Variants in ADARB2 observed in about 807,000 individuals in gnomAD.
ADARB2 encodes the protein adenosine deaminase RNA specific B2 (inactive), also known as inactive double-stranded RNA-specific editase B2.
ADARB2 carries 25 observed loss-of-function variants against 62.2 expected under a neutral mutation model. That is an observed-to-expected ratio of 0.40 (90% CI 0.29 to 0.56). ADARB2 has a LOEUF of 0.56. Among genes scored for constraint, ADARB2 ranks in the 20% least tolerant of loss-of-function variants. The pLI, the probability that ADARB2 is intolerant of heterozygous loss-of-function variation, is 0.43. For missense variants in ADARB2, 1,071 were observed against 1,077.4 expected, an observed-to-expected ratio of 0.99 and a Z score of 0.08; for synonymous variants, 572 against 500.8, an observed-to-expected ratio of 1.14 and a Z score of -1.90.
At position 1,471,849 on chromosome 10, in the gene ADARB2, C is replaced by A. The variant is rs570769906; in HGVS notation, c.101-92689G>T. 4.6e-5 allele frequency among the ~76,000 whole-genome samples: 7 copies of A among 152,360 alleles called. No homozygotes were observed. In the East Asian group the frequency reaches 1.3e-3, roughly 29 times the overall value. On this transcript the variant is annotated intron_variant, in intron 1 of 9. Coordinates refer to ENST00000381312, the MANE Select transcript of ADARB2 (RefSeq NM_018702.4). ...TTTATGGCCGTGTACACATGTTAGA[C>A]ATTGAATAACACAGGACCAAGGAGA...
At position 1,183,224 on chromosome 10, in the gene ADARB2, G is replaced by A. The variant is rs376184563; in HGVS notation, c.2189C>T (p.Pro730Leu). 1.2e-5 allele frequency: 19 copies of A among 1,613,526 alleles called. No homozygotes were observed. The highest frequency in any genetic ancestry group is 3.3e-5 in the Admixed American group (2 of 59,998). The part of the protein sequence containing the change: ...AGLGTWVRKP[P>L]EQQQFLLTL ...AGTCAGTAGAAACTGCTGCTGCTCC[G>A]GTGGTTTCCTCACCCAGGTGCCCAG... is the stretch of plus-strand genomic sequence containing the variant. Residue 730 changes from proline to leucine, a missense_variant, in exon 10 of 10, where the codon CCG becomes CTG. By Grantham distance (98) the Pro-to-Leu change is moderately conservative. Transcript: ENST00000381312.
At chr10:1,452,720 C>T (rs1435230390) in intron 1 of ADARB2, among the ~76,000 whole-genome samples, 1 of 101,530 alleles carries the variant, frequency 9.8e-6, no homozygotes, top group Non-Finnish European at 2.0e-5. Context: ...TTGATGGGTG[C>T]AGCAAACCAC....
chr10:1,678,196 A>C, intron 1 of ADARB2: 1 of 985,322 alleles, frequency 1.0e-6, no homozygotes, highest in Non-Finnish European at 1.2e-6. Flanking sequence ...ATGCCACAGG[A>C]CCTCAGGGTG....
At chr10:1,658,106 CTCTA>C (rs1045041786) in intron 1 of ADARB2, among the ~76,000 whole-genome samples, 7 of 151,804 alleles carry the variant, frequency 4.6e-5, no homozygotes, top group South Asian at 2.1e-4. Context: ...CTCTCTCTGT[CTCTA>C]TCTGATTCTG....
chr10:1,404,990 A>T (rs956526109), intron 1 of ADARB2, among the ~76,000 whole-genome samples: 9 of 152,180 alleles, frequency 5.9e-5, no homozygotes, highest in African/African-American at 2.2e-4. Context: ...TCTCAGGTCG[A>T]TGCCTCCTAC....
At position 1,367,798 on chromosome 10, in the gene ADARB2, G is replaced by T. The variant is rs372448487; in HGVS notation, c.188-3881C>A. Among the ~76,000 whole-genome samples the T allele has an allele frequency of 5.3e-5, 8 of 152,338 alleles. 1 individual carries two copies. On this transcript the variant is annotated intron_variant, in intron 2 of 9. Transcript: ENST00000381312. ...CTGGCGTTATTGCATGACCTTTGCT[G>T]GATCTCAGATCAGAACTCACAGCAA...
intron 1 of ADARB2, among the ~76,000 whole-genome samples, chr10:1,386,380 TG>T (rs1398724749): frequency 1.3e-5 from 2 of 152,108 alleles, no homozygotes; most frequent in Middle Eastern, 3.4e-3. Context: ...ATATTCAAAT[TG>T]TATTTAAAAA....
At chr10:1,352,639 T>C (rs1355521425) in intron 3 of ADARB2, among the ~76,000 whole-genome samples, 1 of 152,218 alleles carries the variant, frequency 6.6e-6, no homozygotes. Context: ...TCACAAACTA[T>C]GCTCAACTCA....
At chr10:1,538,554 C>T (rs1048825567) in intron 1 of ADARB2, among the ~76,000 whole-genome samples, 2 of 152,322 alleles carry the variant, frequency 1.3e-5, no homozygotes, top group East Asian at 3.9e-4. Flanking sequence ...TGGACGCACA[C>T]CTGACCCAGA....
intron 1 of ADARB2, among the ~76,000 whole-genome samples, chr10:1,539,701 G>C (rs1170033528): frequency 6.6e-6 from 1 of 152,200 alleles, no homozygotes; most frequent in Non-Finnish European, 1.5e-5. Context: ...ACAGGGGCTG[G>C]ATCAAACGTA....
intron 7 of ADARB2, among the ~76,000 whole-genome samples, chr10:1,201,023 G>GGA (rs1836978904): frequency 6.6e-6 from 1 of 152,170 alleles, no homozygotes; most frequent in Non-Finnish European, 1.5e-5. Flanking sequence ...ATTAACACAG[G>GGA]ATTCTTTCCA....
At chr10:1,204,110 C>T (rs1837019516) in intron 7 of ADARB2, among the ~76,000 whole-genome samples, 1 of 152,160 alleles carries the variant, frequency 6.6e-6, no homozygotes, top group African/African-American at 2.4e-5. Flanking sequence ...ATTTCCCTTC[C>T]TCCACACCCT....
At chr10:1,291,119 G>A (rs1187090470) in intron 3 of ADARB2, 1 of 152,216 alleles carries the variant, frequency 6.6e-6, no homozygotes, top group South Asian at 2.1e-4. Flanking sequence ...CATAAAGAAA[G>A]TAATATTTAC....
chr10:1,496,662 T>C (rs1400616810), intron 1 of ADARB2, among the ~76,000 whole-genome samples: 3 of 152,104 alleles, frequency 2.0e-5, no homozygotes, highest in African/African-American at 7.2e-5. Flanking sequence ...ATAATAATCA[T>C]ATTCATCATA....
intron 1 of ADARB2, among the ~76,000 whole-genome samples, chr10:1,507,333 G>C (rs1831864900): frequency 1.3e-5 from 2 of 152,202 alleles, no homozygotes; most frequent in Admixed American, 1.3e-4. Flanking sequence ...GAGGGAGCAA[G>C]ACCAGACCCA....
chr10:1,617,276 G>A (rs377582791), intron 1 of ADARB2, among the ~76,000 whole-genome samples: 37 of 126,556 alleles, frequency 2.9e-4, no homozygotes, highest in African/African-American at 6.7e-4. Flanking sequence ...GCTGCATTCT[G>A]TTGCTAGATG....
At chr10:1,715,478 A>T (rs1040517803) in intron 1 of ADARB2, among the ~76,000 whole-genome samples, 17 of 116,000 alleles carry the variant, frequency 1.5e-4, no homozygotes, top group Non-Finnish European at 3.1e-4. Flanking sequence ...ATGTGATTTA[A>T]AAAAATTGTA....
intron 1 of ADARB2, among the ~76,000 whole-genome samples, chr10:1,618,309 C>T (rs1461893282): frequency 6.6e-6 from 1 of 152,122 alleles, no homozygotes; most frequent in Non-Finnish European, 1.5e-5. Context: ...TCAACAACCC[C>T]AAATTATAAC....
chr10:1,558,189 C>A (rs1341951104), intron 1 of ADARB2, among the ~76,000 whole-genome samples: 2 of 152,112 alleles, frequency 1.3e-5, no homozygotes, highest in African/African-American at 4.8e-5. Context: ...CCCGGAGAGA[C>A]CCCGCGTGCC....
Sources: allele counts gnomAD v4.1 joint callset (sites outside exome capture counted in the v4.1 genomes callset), GRCh38; gene constraint gnomAD v4.1.1; transcripts MANE v1.5; gene names NCBI Gene and HGNC (gene_info 2026-07-23, HGNC 2026-07-21).